The following KLF13 variants were observed in gnomAD, a reference collection of about 807,000 sequenced individuals.
KLF13 encodes the protein KLF transcription factor 13.
In KLF13, 8 loss-of-function variants were observed where a neutral mutation model predicts 16.7. That is an observed-to-expected ratio of 0.48 (90% CI 0.28 to 0.87). The LOEUF is 0.87. Ranked by LOEUF, KLF13 falls within the 40% of genes least tolerant of loss-of-function variation. The pLI, the probability that KLF13 is intolerant of heterozygous loss-of-function variation, is 0.10. For missense variants in KLF13, 447 were observed against 452.2 expected, an observed-to-expected ratio of 0.99 and a Z score of 0.10; for synonymous variants, 245 against 208.4, an observed-to-expected ratio of 1.18 and a Z score of -1.51.
At chr15:31,336,155 C>T (rs1423972298) in intron 1 of KLF13, among the ~76,000 whole-genome samples, 1 of 152,254 alleles carries the variant, frequency 6.6e-6, no homozygotes, top group Non-Finnish European at 1.5e-5. Context: ...GGTCAGGGCC[C>T]TGGGTGGGGC....
Position 31,375,091 on chromosome 15 carries a change from G to A in KLF13, c.*2792G>A, listed in dbSNP as rs536416180. The A allele has an allele frequency of 1.3e-5, 2 of 152,670 alleles. No individual in the cohort carries two copies. The highest frequency in any genetic ancestry group is 3.4e-3 in the Middle Eastern group (1 of 294). The allele number at this position is 152,670 out of a possible 1,614,324, so 9.5% of individuals were successfully genotyped here. A position where few individuals can be genotyped will look rare whatever the true frequency, so the allele number is the denominator to read the frequency against. On this transcript the variant is annotated 3_prime_UTR_variant, in exon 2 of 2. Transcript: ENST00000307145. Reference sequence around the variant, plus strand: ...GGCCCCGGCCTGGACTGGGAAATGGGGGTAGGGCACCAGGAGAGAAATCCT... The same window carrying A: ...GGCCCCGGCCTGGACTGGGAAATGGAGGTAGGGCACCAGGAGAGAAATCCT...
intron 1 of KLF13, chr15:31,366,109 C>T (rs1272171813): frequency 2.0e-5 from 3 of 152,026 alleles, no homozygotes; most frequent in African/African-American, 7.3e-5. Context: ...CCCCACCCAC[C>T]CCACTCTCCC....
chr15:31,370,044 C>CTT (rs912005994), intron 1 of KLF13, among the ~76,000 whole-genome samples: 1,069 of 99,226 alleles, frequency 0.011, 19 homozygotes, highest in African/African-American at 0.038. Context: ...TCTCCTTTTT[C>CTT]TTTTTTTTTT....
intron 1 of KLF13, among the ~76,000 whole-genome samples, chr15:31,349,182 T>C (rs376809601): frequency 5.3e-5 from 8 of 152,330 alleles, no homozygotes; most frequent in Non-Finnish European, 1.0e-4. Context: ...CCCCAACTCA[T>C]GGCAGCTTTT....
intron 1 of KLF13, among the ~76,000 whole-genome samples, chr15:31,352,949 C>T (rs552431638): frequency 4.9e-4 from 74 of 152,250 alleles, no homozygotes; most frequent in Non-Finnish European, 7.1e-4. Flanking sequence ...GCTGGACCCA[C>T]CTCCCCGTCT....
Position 31,423,099 on chromosome 15 carries a change from ACGTATACGTATACG to A in KLF13, n.118-12270_118-12257del, listed in dbSNP as rs1566848058. Among the ~76,000 whole-genome samples, 2 of 120,790 alleles carry A rather than the reference ACGTATACGTATACG, an allele frequency of 1.7e-5. 1 individual carries two copies. The highest frequency in any genetic ancestry group is 5.6e-4 in the South Asian group (2 of 3,592). 79.2% of individuals were successfully genotyped at this position (120,790 alleles called of 152,430 possible). Reference sequence around the variant, plus strand: ...CAATTACATATATATACGTATATATACGTATACGTATACGTATATATACGTATATATACGTATAC... The same window carrying A: ...CAATTACATATATATACGTATATATATATATATACGTATATATACGTATAC... On this transcript the variant is annotated intron_variant and non_coding_transcript_variant, in intron 1 of 1. Coordinates refer to the KLF13 transcript ENST00000558225.
rs1412478799 is a variant in KLF13 at position 31,423,107 on chromosome 15, G to GTATATATA, written n.118-12259_118-12258insTATATATA. Among the ~76,000 whole-genome samples the GTATATATA allele has an allele frequency of 1.1e-4, 3 of 26,394 alleles. 1 individual carries two copies. Among genetic ancestry groups the GTATATATA allele is most frequent in the Admixed American group, 2.6e-4 (1 of 3,820 alleles). The allele number at this position is 26,394 out of a possible 152,430, so 17.3% of individuals were successfully genotyped here. On this transcript the variant is annotated intron_variant and non_coding_transcript_variant, in intron 1 of 1. Coordinates refer to the KLF13 transcript ENST00000558225. ...TATATATACGTATATATACGTATACGTATACGTATATATACGTATATATAC... is the reference window on the plus strand; with the variant it reads ...TATATATACGTATATATACGTATACGTATATATATATACGTATATATACGTATATATAC...
chr15:31,433,361 GT>G (rs1335685464), intron 1 of KLF13, among the ~76,000 whole-genome samples: 7 of 152,122 alleles, frequency 4.6e-5, no homozygotes. Flanking sequence ...TAACCGAGGA[GT>G]CCCTTTGCAG....
chr15:31,415,929 G>C (rs2040249191), intron 1 of KLF13, among the ~76,000 whole-genome samples: 1 of 151,668 alleles, frequency 6.6e-6, no homozygotes, highest in Admixed American at 6.6e-5. Context: ...CAGCTTCTAG[G>C]TTGAACAAGA....
At position 31,395,023 on chromosome 15, in the gene KLF13, A is replaced by G. The variant is rs529323495; in HGVS notation, n.529+1332A>G. Among the ~76,000 whole-genome samples, 3 of 152,278 alleles carry G rather than the reference A, an allele frequency of 2.0e-5. No individual in the cohort carries two copies. The South Asian group carries it at 6.2e-4, about 32-fold the overall frequency. ...TAGAGGGAGTCTCCCTCTGTTGCCC[A>G]GGCTGGAGTGCAGTGAGGCAATCTC... On this transcript the variant is annotated intron_variant and non_coding_transcript_variant, in intron 2 of 2. Coordinates refer to the KLF13 transcript ENST00000500533.
chr15:31,415,211 T>C (rs1566844502), intron 1 of KLF13, among the ~76,000 whole-genome samples: 1 of 152,176 alleles, frequency 6.6e-6, no homozygotes. Context: ...ACCATGTTTC[T>C]TGTAAAGCCT....
At position 31,369,490 on chromosome 15, in the gene KLF13, C is replaced by A. The variant is rs1260677094; in HGVS notation, c.578-2520C>A. Among the ~76,000 whole-genome samples the A allele has an allele frequency of 3.3e-5, 5 of 152,234 alleles. No individual in the cohort carries two copies. In the East Asian group the frequency reaches 5.8e-4, roughly 18 times the overall value. On this transcript the variant is annotated intron_variant, in intron 1 of 1. Coordinates refer to ENST00000307145, the MANE Select transcript of KLF13 (RefSeq NM_015995.4). Reference sequence around the variant, plus strand: ...CATTTTCGTTTACATCTAATTTGAACCACAATTTTTTTGTATGTCTTTTAT... The same window carrying A: ...CATTTTCGTTTACATCTAATTTGAAACACAATTTTTTTGTATGTCTTTTAT...
intron 1 of KLF13, among the ~76,000 whole-genome samples, chr15:31,367,658 T>TC (rs1197555895): frequency 1.3e-5 from 2 of 151,936 alleles, no homozygotes; most frequent in African/African-American, 4.8e-5. Flanking sequence ...TGGGTTGGCT[T>TC]CCCCCCACAC....
chr15:31,336,747 C>A (rs894048924), intron 1 of KLF13, among the ~76,000 whole-genome samples: 3 of 151,990 alleles, frequency 2.0e-5, no homozygotes, highest in Admixed American at 6.6e-5. Flanking sequence ...GGGAGTGGGG[C>A]AGAGGGCATG....
intron 1 of KLF13, among the ~76,000 whole-genome samples, chr15:31,385,541 A>G (rs2039785421): frequency 6.6e-6 from 1 of 152,202 alleles, no homozygotes; most frequent in Non-Finnish European, 1.5e-5. Flanking sequence ...GGTATTTCTC[A>G]AAATATTTCA....
chr15:31,350,045 A>T (rs1342254371), intron 1 of KLF13, among the ~76,000 whole-genome samples: 1 of 152,220 alleles, frequency 6.6e-6, no homozygotes, highest in Non-Finnish European at 1.5e-5. Flanking sequence ...ATTTCATGAG[A>T]TGATGTGCTT....
chr15:31,407,963 T>C (rs1289098219), downstream of KLF13, among the ~76,000 whole-genome samples: 2 of 152,208 alleles, frequency 1.3e-5, no homozygotes, highest in Non-Finnish European at 2.9e-5. Context: ...GAGACATTCC[T>C]ACTAAGGTTA....
At chr15:31,351,793 TG>T (rs5811637) in intron 1 of KLF13, among the ~76,000 whole-genome samples, 64,278 of 151,886 alleles carry the variant, frequency 0.42, 14,544 homozygotes, top group East Asian at 0.56. Context: ...GGGCAGATCT[TG>T]AGGTCAGGAG....
chr15:31,329,277 G>A (rs1314266834), intron 1 of KLF13, among the ~76,000 whole-genome samples: 1 of 151,404 alleles, frequency 6.6e-6, no homozygotes, highest in Admixed American at 6.6e-5. Context: ...GTGGCCCTGG[G>A]GGAGGGGCCA....
Sources: allele counts gnomAD v4.1 joint callset (sites outside exome capture counted in the v4.1 genomes callset), GRCh38; gene constraint gnomAD v4.1.1; transcripts MANE v1.5; gene names NCBI Gene and HGNC (gene_info 2026-07-23, HGNC 2026-07-21).